URB1: variants seen among roughly 807,000 people sequenced by gnomAD.
The protein encoded by URB1 is URB1 ribosome biogenesis factor, also known as nucleolar pre-ribosomal-associated protein 1.
In URB1, 197 loss-of-function variants were observed where a neutral mutation model predicts 242.3. The observed-to-expected ratio is 0.81, with a 90% CI of 0.72 to 0.91. URB1 has a LOEUF of 0.91. URB1 is among the 40% of genes least tolerant of loss of function. The pLI is 0.00. For missense variants in URB1, 2,721 were observed against 2,860.5 expected, an observed-to-expected ratio of 0.95 and a Z score of 1.11; for synonymous variants, 1,153 against 1,201.8, an observed-to-expected ratio of 0.96 and a Z score of 0.84.
chr21:32,316,551 G>A lies in URB1; in HGVS notation c.6549C>T (p.Ala2183=). 1 of 1,551,094 alleles carries A rather than the reference G, an allele frequency of 6.4e-7. No homozygotes were observed. Among genetic ancestry groups the A allele is most frequent in the Non-Finnish European group, 8.7e-7 (1 of 1,146,836 alleles). ...GGAAGGGGCTCCCTGCCCGGCCCTG[G>A]GCAGCCACCAGCTGCAGCATGACCG... ...FNTVMLQLVA[A]QGRAGSPFHP... Residue 2183 remains alanine (A), a synonymous_variant, in exon 38 of 39, where the codon GCC becomes GCT. Coordinates refer to ENST00000382751, the MANE Select transcript of URB1 (RefSeq NM_014825.3).
intron 29 of URB1, 99 bp from the exon 30 acceptor site, chr21:32,333,518 T>C (rs1310456716): frequency 6.0e-6 from 6 of 996,306 alleles, no homozygotes; most frequent in Non-Finnish European, 1.5e-6. Context: ...CAGAAATGTT[T>C]CAGATTTTGG....
chr21:32,331,135 T>C (rs1477012893), intron 30 of URB1, among the ~76,000 whole-genome samples: 2 of 152,132 alleles, frequency 1.3e-5, no homozygotes, highest in African/African-American at 4.8e-5. Context: ...GGGAGTCCAT[T>C]CAGGGATCAC....
intron 5 of URB1, chr21:32,377,250 C>T (rs370944630): frequency 3.5e-5 from 18 of 518,678 alleles, no homozygotes; most frequent in Middle Eastern, 6.3e-4. Context: ...TGGTTCAGGG[C>T]TACAGTTTGC....
At chr21:32,373,954 A>G (rs1270060991) in intron 6 of URB1, among the ~76,000 whole-genome samples, 182 bp from the exon 7 acceptor site, 2 of 152,156 alleles carry the variant, frequency 1.3e-5, no homozygotes, top group African/African-American at 4.8e-5. Flanking sequence ...ATTCCCAACC[A>G]TCCTAGGATA....
chr21:32,357,428 A>G, intron 15 of URB1, 109 bp downstream of exon 15: 1 of 1,217,018 alleles, frequency 8.2e-7, no homozygotes, highest in East Asian at 3.2e-5. Context: ...TTAAAACTAA[A>G]AACAATTCCA....
At chr21:32,334,829 C>G (rs567391252) in intron 28 of URB1, among the ~76,000 whole-genome samples, 1 of 152,166 alleles carries the variant, frequency 6.6e-6, no homozygotes, top group Non-Finnish European at 1.5e-5. Flanking sequence ...CATGTGGCCA[C>G]GAGTGAACCA....
chr21:32,340,880 G>C (rs996834570), intron 25 of URB1, among the ~76,000 whole-genome samples: 4 of 151,972 alleles, frequency 2.6e-5, no homozygotes, highest in Non-Finnish European at 4.4e-5. Flanking sequence ...TAAGTAATCT[G>C]GAATATAGTC....
Position 32,385,394 on chromosome 21 carries a change from A to G in URB1, c.282+151T>C, listed in dbSNP as rs553095926. 4 of 1,198,910 alleles carry G rather than the reference A, an allele frequency of 3.3e-6. No individual in the cohort carries two copies. In the African/African-American group the frequency reaches 4.6e-5, roughly 14 times the overall value. The allele number at this position is 1,198,910 out of a possible 1,614,324, so 74.3% of individuals were successfully genotyped here. The stretch of plus-strand genomic sequence containing the variant: ...AAAATGCTTTCAAGGTCATGGAGGC[A>G]AAAAATGAATACATTCCTACAGCAC... On this transcript the variant is annotated intron_variant, in intron 2 of 38. Coordinates refer to ENST00000382751, the MANE Select transcript of URB1 (RefSeq NM_014825.3).
chr21:32,333,277 A>G (rs1415080581), intron 30 of URB1, 40 bp downstream of exon 30: 4 of 1,505,142 alleles, frequency 2.7e-6, no homozygotes, highest in Admixed American at 3.9e-5. Flanking sequence ...CTGAGAAGTC[A>G]TGCATAGCAA....
intron 4 of URB1, 125 bp from the exon 5 acceptor site, chr21:32,378,666 G>A (rs2033487438): frequency 1.3e-6 from 1 of 753,890 alleles, no homozygotes; most frequent in Admixed American, 2.3e-5. Context: ...CTTGTCCCCA[G>A]TCACCAGGGG....
At chr21:32,366,419 C>T (rs2033347106) in intron 10 of URB1, among the ~76,000 whole-genome samples, 199 bp downstream of exon 10, 1 of 152,228 alleles carries the variant, frequency 6.6e-6, no homozygotes, top group South Asian at 2.1e-4. Context: ...AGTCTCTTTG[C>T]TCCAAGGTCC....
chr21:32,319,531 A>G, intron 35 of URB1, 117 bp from the exon 36 acceptor site: 1 of 1,071,960 alleles, frequency 9.3e-7, no homozygotes, highest in Non-Finnish European at 1.3e-6. Context: ...GTCTCCAAGT[A>G]AAAACAGGGT....
At position 32,352,806 on chromosome 21, in the gene URB1, C is replaced by G. The variant is rs941626415; in HGVS notation, c.2517G>C (p.Lys839Asn). ...ALCLLLQAYD[K>N]LEPPCLVPCC... The stretch of plus-strand genomic sequence containing the variant: ...AAGGCACCAGGCATGGAGGCTCAAG[C>G]TTATCATATGCCTGGAGCAGGAGAC... The change falls in exon 19 of 39, where the codon AAG (lysine) becomes AAC (asparagine). Residue 839 changes from lysine to asparagine, a missense_variant. Lys to Asn is a moderately conservative substitution (Grantham distance 94). Coordinates refer to ENST00000382751, the MANE Select transcript of URB1 (RefSeq NM_014825.3). The G allele has an allele frequency of 1.7e-5, 26 of 1,551,710 alleles. No homozygotes were observed. In the East Asian group the frequency reaches 6.4e-4, roughly 38 times the overall value.
At position 32,320,643 on chromosome 21, in the gene URB1, GAA is replaced by G; in HGVS notation, c.5485-5_5485-4del. 1.3e-6 allele frequency: 2 copies of G among 1,547,660 alleles called. No homozygotes were observed. Among genetic ancestry groups the G allele is most frequent in the Non-Finnish European group, 1.7e-6 (2 of 1,143,970 alleles). On this transcript the variant is annotated splice_polypyrimidine_tract_variant and splice_region_variant and intron_variant, in intron 34 of 38. Transcript: ENST00000382751. ...TGTAGAATTTCCAGAATCCAATTCT[GAA>G]AACCCCAAACAAGAAGTTACTCTTC...
chr21:32,361,185 A>AAGAAAGAAAGAAAGAAAGAC, intron 12 of URB1, 62 bp from the exon 13 acceptor site: 1 of 848,024 alleles, frequency 1.2e-6, no homozygotes, highest in Non-Finnish European at 1.8e-6. Context: ...GAAAGAAAGA[A>AAGAAAGAAAGAAAGAAAGAC]AGAAAGAAAG....
At chr21:32,366,791 GAAGT>G (rs750845172) in intron 9 of URB1, 36 bp from the exon 10 acceptor site, 1 of 1,546,886 alleles carries the variant, frequency 6.5e-7, no homozygotes, top group South Asian at 1.2e-5. Flanking sequence ...GGTGGTGCTA[GAAGT>G]AAGTTTCAAA....
intron 19 of URB1, 144 bp from the exon 20 acceptor site, chr21:32,351,066 G>T: frequency 2.3e-6 from 2 of 858,380 alleles, no homozygotes; most frequent in Non-Finnish European, 3.5e-6. Context: ...GGGACCGTGT[G>T]GCATTTTACT....
intron 4 of URB1, among the ~76,000 whole-genome samples, chr21:32,379,073 T>C (rs1385965307): frequency 6.6e-6 from 1 of 152,242 alleles, no homozygotes; most frequent in East Asian, 1.9e-4. Context: ...GTCACGTTAC[T>C]AACCCTGTTA....
At chr21:32,369,367 A>C (rs1385993246) in intron 8 of URB1, among the ~76,000 whole-genome samples, 2 of 152,218 alleles carry the variant, frequency 1.3e-5, no homozygotes, top group African/African-American at 4.8e-5. Flanking sequence ...CCATCTGAAA[A>C]AAACAGCACT....
Sources: gnomAD v4.1 joint callset for allele counts (sites outside exome capture counted in the v4.1 genomes callset) on GRCh38, gnomAD v4.1.1 for gene constraint, MANE v1.5 for transcripts, NCBI Gene and HGNC (gene_info 2026-07-23, HGNC 2026-07-21) for gene names.